Variants in ASTN2 observed in about 807,000 individuals in gnomAD.
ASTN2 encodes the protein astrotactin 2, also known as astrotactin-2.
In ASTN2, 54 loss-of-function variants were observed where a neutral mutation model predicts 139.8. The ratio of observed to expected loss-of-function variants is 0.39; its 90% confidence interval spans 0.31 to 0.48. ASTN2 has a LOEUF of 0.48. Among genes scored for constraint, ASTN2 ranks in the 20% least tolerant of loss-of-function variants. The pLI, the probability that ASTN2 is intolerant of heterozygous loss-of-function variation, is 0.95. For missense variants in ASTN2, 1,565 were observed against 1,725.1 expected, an observed-to-expected ratio of 0.91 and a Z score of 1.64; for synonymous variants, 756 against 719.5, an observed-to-expected ratio of 1.05 and a Z score of -0.81.
intron 19 of ASTN2, chr9:116,552,017 A>ATATACT (rs1434415643): frequency 1.3e-5 from 2 of 152,038 alleles, no homozygotes; most frequent in Non-Finnish European, 2.9e-5. Flanking sequence ...ATACATACAC[A>ATATACT]TATACATATA....
intron 19 of ASTN2, among the ~76,000 whole-genome samples, chr9:116,520,339 G>T (rs1303857546): frequency 6.6e-6 from 1 of 152,114 alleles, no homozygotes; most frequent in Non-Finnish European, 1.5e-5. Flanking sequence ...TGCAGGGATG[G>T]TTTAACACAC....
At chr9:116,564,528 C>T (rs1297295426) in intron 19 of ASTN2, among the ~76,000 whole-genome samples, 1 of 152,318 alleles carries the variant, frequency 6.6e-6, no homozygotes. Context: ...TCGTTACTTG[C>T]AGTATCAAGT....
Position 116,766,491 on chromosome 9 carries a change from A to G in ASTN2, c.2397-32968T>C, listed in dbSNP as rs575792451. On this transcript the variant is annotated intron_variant, in intron 13 of 22. Transcript: ENST00000313400. ...ACTCAGTCACATCACACACACAAGC[A>G]CACACATTCACAGTAACATACACAT... Among the ~76,000 whole-genome samples, 253 of 151,834 alleles carry G rather than the reference A, an allele frequency of 1.7e-3. 1 individual carries two copies. The highest frequency in any genetic ancestry group is 2.5e-3 in the Non-Finnish European group (169 of 67,902).
chr9:116,961,832 C>A (rs4838041), intron 10 of ASTN2, among the ~76,000 whole-genome samples: 62,025 of 152,094 alleles, frequency 0.41, 14,916 homozygotes, highest in South Asian at 0.57. Context: ...GATTCCTACA[C>A]CAGATCAAAA....
At chr9:116,663,831 T>C (rs758051137) in intron 16 of ASTN2, among the ~76,000 whole-genome samples, 2 of 152,296 alleles carry the variant, frequency 1.3e-5, no homozygotes, top group South Asian at 2.1e-4. Context: ...GGTTTCACTA[T>C]TGCTTTTTAA....
At chr9:117,129,092 A>C (rs1425988977) in intron 4 of ASTN2, among the ~76,000 whole-genome samples, 1 of 152,216 alleles carries the variant, frequency 6.6e-6, no homozygotes, top group Non-Finnish European at 1.5e-5. Flanking sequence ...GGTTATAAGC[A>C]ACATGGAATT....
chr9:116,442,661 ATTTT>A, intron 20 of ASTN2, 108 bp from the exon 21 acceptor site: 1 of 869,890 alleles, frequency 1.1e-6, no homozygotes, highest in Admixed American at 2.0e-5. Flanking sequence ...AGGAAAAATG[ATTTT>A]AAAAAAAGAA....
At chr9:116,835,900 C>G (rs1308296741) in intron 11 of ASTN2, among the ~76,000 whole-genome samples, 2 of 152,166 alleles carry the variant, frequency 1.3e-5, no homozygotes, top group Admixed American at 1.3e-4. Context: ...AATCCTCTAG[C>G]CTCAGCCTCC....
intron 2 of ASTN2, among the ~76,000 whole-genome samples, chr9:117,237,931 T>C (rs542192535): frequency 6.6e-6 from 1 of 152,316 alleles, no homozygotes; most frequent in Admixed American, 6.5e-5. Context: ...CATAGATGGC[T>C]GCTGCTCTCA....
intron 16 of ASTN2, among the ~76,000 whole-genome samples, chr9:116,709,736 CTT>C (rs1393949346): frequency 1.3e-5 from 2 of 152,184 alleles, no homozygotes; most frequent in African/African-American, 2.4e-5. Flanking sequence ...CTCATTAACA[CTT>C]TAACCCCTTC....
chr9:116,699,398 T>C lies in ASTN2; in HGVS notation c.2806+26373A>G. On this transcript the variant is annotated intron_variant, in intron 16 of 22. Coordinates refer to ENST00000313400, the MANE Select transcript of ASTN2 (RefSeq NM_001365068.1). The surrounding 1 kb of genome is among the most constrained non-coding windows in gnomAD (Gnocchi z 4.2). ...ACCACCTGGAGGGTGGCTTTTCCAT[T>C]GGCTCTGTAGGCCCTGATGGGCAGC... is the stretch of plus-strand genomic sequence containing the variant. 6.2e-7 allele frequency: 1 copy of C among 1,614,176 alleles called. No homozygotes were observed. Among genetic ancestry groups the C allele is most frequent in the Non-Finnish European group, 8.5e-7 (1 of 1,180,030 alleles).
chr9:116,967,734 C>A (rs1048278747), intron 10 of ASTN2, among the ~76,000 whole-genome samples: 3 of 152,172 alleles, frequency 2.0e-5, no homozygotes, highest in Non-Finnish European at 2.9e-5. Context: ...GCCTTCCCCC[C>A]ATACTCTGCT....
intron 10 of ASTN2, among the ~76,000 whole-genome samples, chr9:116,933,174 T>G: frequency 6.6e-6 from 1 of 152,250 alleles, no homozygotes; most frequent in Admixed American, 6.5e-5. Context: ...TAATAAAGTG[T>G]TGGCAGGAGA....
chr9:116,660,203 C>T (rs946071867), intron 16 of ASTN2, among the ~76,000 whole-genome samples: 3 of 149,884 alleles, frequency 2.0e-5, no homozygotes, highest in South Asian at 4.2e-4. Context: ...CACACACACA[C>T]ATTTGGGGAA....
intron 19 of ASTN2, chr9:116,552,235 C>T (rs572059785): frequency 2.3e-4 from 35 of 152,228 alleles, no homozygotes; most frequent in African/African-American, 8.4e-4. Flanking sequence ...TAACTTCCTT[C>T]CCATGCCTCA....
At chr9:116,851,471 C>CATCTATCTATCTATCT (rs58927400) in intron 11 of ASTN2, among the ~76,000 whole-genome samples, 518 of 148,990 alleles carry the variant, frequency 3.5e-3, no homozygotes, top group Non-Finnish European at 5.4e-3. Flanking sequence ...AATTGCTAAA[C>CATCTATCTATCTATCT]ATCTATCTAT....
intron 10 of ASTN2, among the ~76,000 whole-genome samples, chr9:116,874,410 G>C (rs1162438159): frequency 6.6e-6 from 1 of 152,186 alleles, no homozygotes; most frequent in East Asian, 1.9e-4. Flanking sequence ...CACTGGGCAT[G>C]CTGCAGCTGT....
intron 10 of ASTN2, among the ~76,000 whole-genome samples, chr9:116,941,593 A>AG (rs1419550573): frequency 7.1e-6 from 1 of 141,708 alleles, no homozygotes; most frequent in Non-Finnish European, 1.5e-5. Flanking sequence ...CTTAAGCTAC[A>AG]GAAAAAAAAA....
chr9:116,855,583 A>G (rs967679764), intron 11 of ASTN2, among the ~76,000 whole-genome samples: 1 of 152,226 alleles, frequency 6.6e-6, no homozygotes, highest in Non-Finnish European at 1.5e-5. Flanking sequence ...GGTAAAGAGA[A>G]GAAAGTGCCC....
Sources: allele counts gnomAD v4.1 joint callset (sites outside exome capture counted in the v4.1 genomes callset), GRCh38; gene constraint gnomAD v4.1.1; non-coding constraint Gnocchi (gnomAD v3.1); transcripts MANE v1.5; gene names NCBI Gene and HGNC (gene_info 2026-07-23, HGNC 2026-07-21).